SMARCA2: variants seen among roughly 807,000 people sequenced by gnomAD.
SMARCA2 encodes SWI/SNF related BAF chromatin remodeling complex subunit ATPase 2, also known as SWI/SNF-related matrix-associated actin-dependent regulator of chromatin subfamily A member 2.
In SMARCA2, 61 loss-of-function variants were observed where a neutral mutation model predicts 199.8. The ratio of observed to expected loss-of-function variants is 0.31; its 90% CI spans 0.25 to 0.38. The LOEUF is 0.38. Ranked by LOEUF, SMARCA2 falls within the 10% of genes least tolerant of loss-of-function variation. The pLI, the probability that SMARCA2 is intolerant of heterozygous loss-of-function variation, is 1.00. For synonymous variants in SMARCA2, 935 were observed against 732.0 expected, an observed-to-expected ratio of 1.28 and a Z score of -4.48; for missense variants, 1,344 against 2,012.2, an observed-to-expected ratio of 0.67 and a Z score of 6.35.
At chr9:2,159,649 T>C (rs1030597410) in intron 27 of SMARCA2, 3 of 759,694 alleles carry the variant, frequency 3.9e-6, no homozygotes, top group Non-Finnish European at 6.1e-6. Context: ...TAGTTGTCAA[T>C]ATTAAAACAG....
In SMARCA2 at chr9:2,186,215, G is replaced by A. The variant is rs764304058; in HGVS notation, c.4581G>A (p.Glu1527=). ...AGGAGGAAGAGGAAGATGAAGAAGA[G>A]TCAGAGTCCGAGGGTAAGCCCAGAC... is the stretch of plus-strand genomic sequence containing the variant. ...NEEEEEEDEE[E]SESEAKSVKV... The change falls in exon 32 of 34, where the codon GAG becomes GAA. Residue 1527 remains glutamate (E), a synonymous_variant. Coordinates refer to ENST00000349721, the MANE Select transcript of SMARCA2 (RefSeq NM_003070.5). 2 of 1,613,928 alleles carry A rather than the reference G, an allele frequency of 1.2e-6. No homozygotes were observed. The highest frequency in any genetic ancestry group is 1.3e-5 in the African/African-American group (1 of 75,044).
intron 29 of SMARCA2, among the ~76,000 whole-genome samples, chr9:2,179,950 G>A (rs1038606990): frequency 5.3e-5 from 8 of 152,246 alleles, no homozygotes; most frequent in Non-Finnish European, 8.8e-5. Flanking sequence ...ATGTTTGGGT[G>A]TATAAATCTC....
intron 17 of SMARCA2, among the ~76,000 whole-genome samples, chr9:2,084,670 A>G (rs1821722719): frequency 6.6e-6 from 1 of 152,078 alleles, no homozygotes; most frequent in Non-Finnish European, 1.5e-5. Context: ...ACATTTATCC[A>G]AGCCGTGGCT....
At position 2,115,380 on chromosome 9, in the gene SMARCA2, G is replaced by A. The variant is rs1022836589; in HGVS notation, c.3457-442G>A. On this transcript the variant is annotated intron_variant, in intron 24 of 33. Coordinates refer to ENST00000349721, the MANE Select transcript of SMARCA2 (RefSeq NM_003070.5). This position sits in a 1 kb window ranked among gnomAD's most constrained non-coding sequence, Gnocchi z 6.0. ...TAAGATGTATGTATGTATAATACCT[G>A]AATGTACAACTCAGTGATATTTTTA... is the stretch of plus-strand genomic sequence containing the variant. Among the ~76,000 whole-genome samples, 9 of 152,134 alleles carry A rather than the reference G, an allele frequency of 5.9e-5. No individual in the cohort carries two copies. The highest frequency in any genetic ancestry group is 6.5e-5 in the Admixed American group (1 of 15,274).
At chr9:2,118,120 AG>A (rs2130607375) in intron 25 of SMARCA2, among the ~76,000 whole-genome samples, 1 of 152,274 alleles carries the variant, frequency 6.6e-6, no homozygotes, top group Admixed American at 6.5e-5. Flanking sequence ...AGGTGATGAG[AG>A]GGTAATGTGT....
chr9:2,030,884 C>G (rs146812253), intron 2 of SMARCA2, among the ~76,000 whole-genome samples: 3 of 152,130 alleles, frequency 2.0e-5, no homozygotes, highest in African/African-American at 7.2e-5. Flanking sequence ...AAGGGAAGAT[C>G]CTTTTGTTAA....
intron 12 of SMARCA2, 56 bp downstream of exon 12, chr9:2,073,679 A>G (rs1821186545): frequency 2.2e-6 from 3 of 1,334,662 alleles, no homozygotes; most frequent in Non-Finnish European, 2.1e-6. Flanking sequence ...AGAGGAAGAA[A>G]TTCTTCCTGA....
chr9:2,032,326 C>G (rs911403130), intron 2 of SMARCA2, among the ~76,000 whole-genome samples: 8 of 152,304 alleles, frequency 5.3e-5, no homozygotes, highest in African/African-American at 1.9e-4. Flanking sequence ...AGTTTTGGGT[C>G]CAGCCCCTGT....
intron 27 of SMARCA2, among the ~76,000 whole-genome samples, chr9:2,148,668 C>T (rs927621354): frequency 6.6e-6 from 1 of 151,138 alleles, no homozygotes; most frequent in African/African-American, 2.4e-5. Context: ...GCCACCACAC[C>T]CAACTAATTT....
intron 26 of SMARCA2, among the ~76,000 whole-genome samples, chr9:2,121,444 C>T (rs995903255): frequency 4.1e-4 from 62 of 152,152 alleles, no homozygotes; most frequent in African/African-American, 1.3e-3. Context: ...TCTAATCCAC[C>T]GGCCGCCTTT....
chr9:2,048,148 G>C (rs1052905029), intron 5 of SMARCA2, among the ~76,000 whole-genome samples: 2 of 152,094 alleles, frequency 1.3e-5, no homozygotes, highest in Non-Finnish European at 2.9e-5. Flanking sequence ...GCTGCCTTTC[G>C]GTAAACTTTA....
rs1177845052 is a variant in SMARCA2 at position 2,033,025 on chromosome 9, G to A, written c.299G>A (p.Arg100Gln). Residue 100 changes from arginine to glutamine, a missense_variant, in exon 3 of 34, where the codon CGA becomes CAA. Physicochemically the swap from Arg to Gln is conservative, Grantham distance 43 (BLOSUM62 1). Around this residue, in one of 18 missense-constraint regions of SMARCA2, gnomAD observed 275 missense variants for 247.5 expected, o/e 1.11. Transcript: ENST00000349721. ...HCGSMKGTGM[R>Q]PPHPGMGPPQ... is the part of the protein sequence containing the mutation. Reference sequence around the variant, plus strand: ...GGATCCATGAAGGGCACTGGTATGCGACCACCTCACCCAGGCATGGGCCCT... The same window carrying A: ...GGATCCATGAAGGGCACTGGTATGCAACCACCTCACCCAGGCATGGGCCCT... 3.5e-5 allele frequency: 57 copies of A among 1,613,906 alleles called. No individual in the cohort carries two copies. Among genetic ancestry groups the A allele is most frequent in the Non-Finnish European group, 4.7e-5 (55 of 1,179,954 alleles).
chr9:2,170,509 C>G lies in SMARCA2; in HGVS notation c.4253+37C>G. ...TCTTGTATTCCCCTATCTCTAAATA[C>G]AGGTATCCCTCGTTACGTGAAACAG... On this transcript the variant is annotated intron_variant, in intron 29 of 33. Transcript: ENST00000349721. The surrounding 1 kb of genome is among the most constrained non-coding windows in gnomAD (Gnocchi z 4.7). 1.2e-6 allele frequency: 2 copies of G among 1,613,656 alleles called. No homozygotes were observed. Among genetic ancestry groups the G allele is most frequent in the Non-Finnish European group, 1.7e-6 (2 of 1,179,816 alleles).
chr9:2,179,336 A>C (rs1563832993), intron 29 of SMARCA2, among the ~76,000 whole-genome samples: 1 of 152,254 alleles, frequency 6.6e-6, no homozygotes, highest in East Asian at 1.9e-4. Flanking sequence ...AGTCTTCCAT[A>C]GATAACTTCC....
chr9:2,095,273 C>G, intron 19 of SMARCA2, among the ~76,000 whole-genome samples: 1 of 151,830 alleles, frequency 6.6e-6, no homozygotes, highest in East Asian at 1.9e-4. Flanking sequence ...TTTAGTAGAG[C>G]TGGGGTTTCA....
chr9:2,165,636 T>A (rs763363483), intron 28 of SMARCA2, among the ~76,000 whole-genome samples: 62 of 152,324 alleles, frequency 4.1e-4, no homozygotes, highest in Middle Eastern at 3.4e-3. Flanking sequence ...TTTAGAAGCT[T>A]TTAAAAACTC....
chr9:2,085,940 G>C (rs1393360785), intron 17 of SMARCA2: 1 of 152,172 alleles, frequency 6.6e-6, no homozygotes, highest in African/African-American at 2.4e-5. Context: ...AGGACTGAAG[G>C]GTAAGGTATG....
At chr9:2,087,215 A>G (rs1821839820) in intron 18 of SMARCA2, 144 bp downstream of exon 18, 1 of 976,022 alleles carries the variant, frequency 1.0e-6, no homozygotes, top group Non-Finnish European at 1.5e-6. Flanking sequence ...GTGGGTGGAC[A>G]TGGTCTTGTG....
At chr9:2,179,851 T>C (rs971062289) in intron 29 of SMARCA2, among the ~76,000 whole-genome samples, 1 of 152,218 alleles carries the variant, frequency 6.6e-6, no homozygotes, top group Non-Finnish European at 1.5e-5. Flanking sequence ...TTTGGGGTGC[T>C]GCTAGCTGAT....
Sources: gnomAD v4.1 joint callset for allele counts (sites outside exome capture counted in the v4.1 genomes callset) on GRCh38, gnomAD v4.1.1 for gene constraint, gnomAD v4.1.1 regional missense constraint, Gnocchi (gnomAD v3.1) non-coding constraint, MANE v1.5 for transcripts, NCBI Gene and HGNC (gene_info 2026-07-23, HGNC 2026-07-21) for gene names.